The following DTNB variants were observed in gnomAD, a reference collection of about 807,000 sequenced individuals.
The protein encoded by DTNB is DTN-B.
In DTNB, 63 loss-of-function variants were observed where a neutral mutation model predicts 90.7. The observed-to-expected ratio is 0.69, with a 90% CI of 0.57 to 0.86. The LOEUF (loss-of-function observed/expected upper bound fraction) is 0.86, where lower values mean the gene tolerates loss of function less well. Among genes scored for constraint, DTNB ranks in the 40% least tolerant of loss-of-function variants. The pLI, the probability that DTNB is intolerant of heterozygous loss-of-function variation, is 0.00. For synonymous variants in DTNB, 277 were observed against 286.7 expected (o/e 0.97, Z 0.34); for missense variants, 744 against 807.1 (o/e 0.92, Z 0.95).
At chr2:25,553,445 C>T (rs781735906) in intron 8 of DTNB, among the ~76,000 whole-genome samples, 3 of 151,836 alleles carry the variant, frequency 2.0e-5, no homozygotes, top group East Asian at 1.9e-4. Context: ...AATAAAAATA[C>T]GGCTAGGTAG....
At chr2:25,485,079 T>C (rs866331908) in intron 9 of DTNB, among the ~76,000 whole-genome samples, 5 of 152,220 alleles carry the variant, frequency 3.3e-5, no homozygotes, top group African/African-American at 1.2e-4. Flanking sequence ...TATTCTTTAA[T>C]GTATTATTAT....
intron 16 of DTNB, among the ~76,000 whole-genome samples, chr2:25,401,712 CTT>C (rs1419973070): frequency 6.6e-6 from 1 of 152,218 alleles, no homozygotes; most frequent in Non-Finnish European, 1.5e-5. Flanking sequence ...AAAGGCCTGA[CTT>C]TAAGAGTTAA....
chr2:25,421,689 G>A (rs1228150513), intron 15 of DTNB, among the ~76,000 whole-genome samples: 1 of 152,228 alleles, frequency 6.6e-6, no homozygotes, highest in Admixed American at 6.5e-5. Flanking sequence ...CAAAAGACCA[G>A]TATGTAATTT....
rs1327025652 is a variant in DTNB at position 25,401,122 on chromosome 2, G to A, written c.1576-12761C>T. On this transcript the variant is annotated intron_variant, in intron 16 of 20. Coordinates refer to ENST00000406818, the MANE Select transcript of DTNB (RefSeq NM_021907.5). ...CACACAAAATCAGTAGACAGGCTAG[G>A]ACTGGTCCCTGGGTCTGCTAATTGC... 7.2e-5 allele frequency among the ~76,000 whole-genome samples: 11 copies of A among 152,276 alleles called. No homozygotes were observed. The South Asian group carries it at 2.1e-3, about 29-fold the overall frequency.
chr2:25,470,947 G>A (rs751527872), intron 10 of DTNB, among the ~76,000 whole-genome samples: 3 of 152,118 alleles, frequency 2.0e-5, no homozygotes, highest in Non-Finnish European at 4.4e-5. Flanking sequence ...TTTATAGAAT[G>A]TAAGGACACT....
intron 10 of DTNB, among the ~76,000 whole-genome samples, chr2:25,470,365 G>A (rs1269569676): frequency 6.7e-6 from 1 of 149,902 alleles, no homozygotes; most frequent in Non-Finnish European, 1.5e-5. Context: ...ATTCTTACAC[G>A]ACAATTTTTT....
chr2:25,642,233 G>A (rs1185882454), intron 2 of DTNB, among the ~76,000 whole-genome samples: 1 of 152,122 alleles, frequency 6.6e-6, no homozygotes, highest in Non-Finnish European at 1.5e-5. Flanking sequence ...GTGTTGATAG[G>A]AGAAGGCAGG....
At chr2:25,662,672 ACACACACAAAC>A (rs2149018513) in intron 1 of DTNB, among the ~76,000 whole-genome samples, 2 of 74,246 alleles carry the variant, frequency 2.7e-5, no homozygotes, top group African/African-American at 3.5e-5. Context: ...ACACACACAC[ACACACACAAAC>A]ACACACACAC....
intron 3 of DTNB, 56 bp from the exon 4 acceptor site, chr2:25,628,440 A>G (rs959487118): frequency 7.4e-6 from 11 of 1,492,902 alleles, no homozygotes; most frequent in Non-Finnish European, 8.2e-6. Flanking sequence ...ACTACCCTTC[A>G]CAATAGGAAT....
At chr2:25,627,259 A>C (rs2074380998) in intron 4 of DTNB, among the ~76,000 whole-genome samples, 1 of 152,050 alleles carries the variant, frequency 6.6e-6, no homozygotes, top group Admixed American at 6.6e-5. Flanking sequence ...CTAAAAATAC[A>C]AAATTAGCTG....
Position 25,445,664 on chromosome 2 carries a change from A to C in DTNB, c.1257+5884T>G, listed in dbSNP as rs571793828. 8.5e-5 allele frequency among the ~76,000 whole-genome samples: 13 copies of C among 152,140 alleles called. No individual in the cohort carries two copies. The South Asian group carries it at 2.7e-3, about 32-fold the overall frequency. On this transcript the variant is annotated intron_variant, in intron 12 of 20. Transcript: ENST00000406818. ...ACAATGTCAACTTTCAGGTCATGCGACCTCCAGCCTCAGGGCCTTTACATA... is the reference window on the plus strand; with the variant it reads ...ACAATGTCAACTTTCAGGTCATGCGCCCTCCAGCCTCAGGGCCTTTACATA...
chr2:25,388,134 C>T, intron 17 of DTNB, 68 bp downstream of exon 17: 1 of 1,533,784 alleles, frequency 6.5e-7, no homozygotes, highest in South Asian at 1.2e-5. Context: ...GAAAAAACCT[C>T]AGCAGGAATC....
At chr2:25,534,211 G>C (rs3100636) in intron 8 of DTNB, among the ~76,000 whole-genome samples, 49,084 of 151,850 alleles carry the variant, frequency 0.32, 9,621 homozygotes, top group African/African-American at 0.54. Context: ...TGACTCTTAA[G>C]GAGCATGCTG....
At chr2:25,433,467 A>G (rs2149968158) in intron 13 of DTNB, among the ~76,000 whole-genome samples, 1 of 151,296 alleles carries the variant, frequency 6.6e-6, no homozygotes, top group Admixed American at 6.6e-5. Context: ...CCTGGCTTCT[A>G]CCTTTCAGTA....
chr2:25,463,999 C>T (rs752168322), intron 10 of DTNB, among the ~76,000 whole-genome samples: 5 of 152,174 alleles, frequency 3.3e-5, no homozygotes, highest in Non-Finnish European at 5.9e-5. Flanking sequence ...TCTGCCTCCT[C>T]GGTTAAAACG....
At chr2:25,607,357 T>C in intron 4 of DTNB, 36 bp from the exon 5 acceptor site, 1 of 1,553,790 alleles carries the variant, frequency 6.4e-7, no homozygotes, top group East Asian at 2.4e-5. Flanking sequence ...AATTGCTATC[T>C]GAAACCACAA....
chr2:25,565,530 C>A (rs961761871), intron 8 of DTNB, among the ~76,000 whole-genome samples: 6 of 152,100 alleles, frequency 3.9e-5, no homozygotes, highest in Non-Finnish European at 5.9e-5. Flanking sequence ...AAGGTGTGAG[C>A]CACTCTGACT....
chr2:25,560,079 T>C (rs1433597962), intron 8 of DTNB, among the ~76,000 whole-genome samples: 2 of 152,208 alleles, frequency 1.3e-5, no homozygotes, highest in African/African-American at 2.4e-5. Flanking sequence ...CGAAACCCCA[T>C]GTCTACTAAA....
intron 9 of DTNB, among the ~76,000 whole-genome samples, chr2:25,484,156 G>C (rs1378931339): frequency 2.0e-5 from 3 of 152,214 alleles, no homozygotes; most frequent in African/African-American, 4.8e-5. Flanking sequence ...CTAGGTTTGT[G>C]TAAGTACACT....
Sources: allele counts gnomAD v4.1 joint callset (sites outside exome capture counted in the v4.1 genomes callset), GRCh38; gene constraint gnomAD v4.1.1; transcripts MANE v1.5; gene names NCBI Gene and HGNC (gene_info 2026-07-23, HGNC 2026-07-21).